The following ADGRL3 variants were observed in gnomAD, a reference collection of about 807,000 sequenced individuals.
The protein encoded by ADGRL3 is calcium-independent alpha-latrotoxin receptor 3.
In ADGRL3, 62 loss-of-function variants were observed where a neutral mutation model predicts 153.5. The observed-to-expected ratio is 0.40, with a 90% CI of 0.33 to 0.50. The LOEUF (loss-of-function observed/expected upper bound fraction) is 0.50. ADGRL3 is among the 20% of genes least tolerant of loss of function. The pLI, the probability that ADGRL3 is intolerant of heterozygous loss-of-function variation, is 0.47. For synonymous variants in ADGRL3, 710 were observed against 672.5 expected, an observed-to-expected ratio of 1.06 and a Z score of -0.86; for missense variants, 1,641 against 1,859.4, an observed-to-expected ratio of 0.88 and a Z score of 2.16.
At chr4:61,233,501 G>A (rs1009271738) in intron 1 of ADGRL3, among the ~76,000 whole-genome samples, 2 of 152,120 alleles carry the variant, frequency 1.3e-5, no homozygotes, top group Non-Finnish European at 2.9e-5. Flanking sequence ...AGGCATAGAA[G>A]GCAGCTTGTT....
At chr4:61,764,471 A>T (rs4860433) in intron 8 of ADGRL3, among the ~76,000 whole-genome samples, 1 of 134,572 alleles carries the variant, frequency 7.4e-6, no homozygotes, top group African/African-American at 3.3e-5. Context: ...CTCAGTGGGG[A>T]TGCTTTTGGA....
Position 62,037,755 on chromosome 4 carries a change from C to G in ADGRL3, c.3616C>G (p.Leu1206Val), listed in dbSNP as rs753839529. 1 of 1,613,730 alleles carries G rather than the reference C, an allele frequency of 6.2e-7. No individual in the cohort carries two copies. Among genetic ancestry groups the G allele is most frequent in the East Asian group, 2.2e-5 (1 of 44,822 alleles). The change falls in exon 24 of 27, where the codon CTG (leucine) becomes GTG (valine). Residue 1206 changes from leucine to valine, a missense_variant. Around this residue, in one of 5 missense-constraint regions of ADGRL3, gnomAD observed 517 missense variants for 555.0 expected, o/e 0.93. Transcript: ENST00000683033. ...GGTACGAAAAGAGTATGGGAAATGC[C>G]TGCGAACACATTGCTGTAGTGGCAA... The part of the protein sequence containing the change: ...KKVRKEYGKC[L>V]RTHCCSGKST...
chr4:61,504,626 C>T (rs2098415253), intron 3 of ADGRL3, among the ~76,000 whole-genome samples: 1 of 151,978 alleles, frequency 6.6e-6, no homozygotes, highest in Admixed American at 6.6e-5. Context: ...ATTTTTGTAC[C>T]AACTAACCAT....
chr4:61,496,641 T>TC (rs2098321144), intron 2 of ADGRL3, among the ~76,000 whole-genome samples: 1 of 141,720 alleles, frequency 7.1e-6, no homozygotes, highest in African/African-American at 2.7e-5. Flanking sequence ...AAATTCCATT[T>TC]CAAAAAAAAG....
intron 4 of ADGRL3, among the ~76,000 whole-genome samples, chr4:61,570,000 A>T (rs1041113843): frequency 2.6e-5 from 4 of 151,938 alleles, no homozygotes; most frequent in Non-Finnish European, 1.5e-5. Context: ...GAATATTTGG[A>T]TTGTTTTGAT....
intron 9 of ADGRL3, among the ~76,000 whole-genome samples, chr4:61,832,041 G>C (rs1168931738): frequency 6.6e-6 from 1 of 152,098 alleles, no homozygotes; most frequent in Non-Finnish European, 1.5e-5. Context: ...TGGCAGTGTA[G>C]AGGCCAAGGG....
chr4:61,480,643 CG>C (rs1356803295), intron 2 of ADGRL3, among the ~76,000 whole-genome samples: 7 of 151,712 alleles, frequency 4.6e-5, no homozygotes, highest in African/African-American at 1.7e-4. Context: ...ATTAGCTGGG[CG>C]GGGTTTCGGG....
chr4:61,436,600 G>A (rs1330426602), intron 2 of ADGRL3, among the ~76,000 whole-genome samples: 2 of 152,110 alleles, frequency 1.3e-5, no homozygotes, highest in Non-Finnish European at 2.9e-5. Context: ...AGTTCATAGA[G>A]GAAAGAAGTA....
Position 61,213,787 on chromosome 4 carries a change from T to C in ADGRL3, c.-240+12022T>C, listed in dbSNP as rs561290351. On this transcript the variant is annotated intron_variant, in intron 1 of 26. Transcript: ENST00000683033. ...AACATTTACTTATTCATGTGGGTTG[T>C]CATTTGTTGCTAGAATAAGTGGTGT... Among the ~76,000 whole-genome samples, 21 of 152,310 alleles carry C rather than the reference T, an allele frequency of 1.4e-4. No homozygotes were observed. The East Asian group carries it at 3.7e-3, about 27-fold the overall frequency.
chr4:61,876,151 A>G (rs1462737119), intron 9 of ADGRL3, among the ~76,000 whole-genome samples: 2 of 152,138 alleles, frequency 1.3e-5, no homozygotes, highest in South Asian at 2.1e-4. Flanking sequence ...CACTGCTTGC[A>G]TATCTCATAT....
chr4:61,494,182 G>A (rs2098287658), intron 2 of ADGRL3, among the ~76,000 whole-genome samples: 1 of 150,718 alleles, frequency 6.6e-6, no homozygotes, highest in African/African-American at 2.4e-5. Context: ...TAGTATACAT[G>A]TTTGAGAAAA....
intron 1 of ADGRL3, among the ~76,000 whole-genome samples, chr4:61,222,667 C>G (rs907367104): frequency 5.3e-5 from 8 of 152,240 alleles, no homozygotes; most frequent in African/African-American, 1.4e-4. Flanking sequence ...AGTACAGGAA[C>G]CAGCTTGGTA....
chr4:61,583,232 G>A (rs1350064181), intron 4 of ADGRL3, among the ~76,000 whole-genome samples: 1 of 151,886 alleles, frequency 6.6e-6, no homozygotes, highest in Non-Finnish European at 1.5e-5. Flanking sequence ...CCAGTCCATG[G>A]AGACCAAGAG....
chr4:61,801,676 C>G (rs2097499276), intron 8 of ADGRL3, among the ~76,000 whole-genome samples: 1 of 151,954 alleles, frequency 6.6e-6, no homozygotes, highest in South Asian at 2.1e-4. Flanking sequence ...TCCTTCTATA[C>G]CAAAAGAGGA....
intron 8 of ADGRL3, among the ~76,000 whole-genome samples, chr4:61,770,923 C>G (rs1417544928): frequency 6.6e-6 from 1 of 152,134 alleles, no homozygotes; most frequent in Non-Finnish European, 1.5e-5. Flanking sequence ...TCCTCCTTAG[C>G]TCAACTAGAT....
intron 6 of ADGRL3, among the ~76,000 whole-genome samples, chr4:61,711,955 T>G (rs1294076699): frequency 6.6e-6 from 1 of 152,144 alleles, no homozygotes; most frequent in Non-Finnish European, 1.5e-5. Context: ...GTAAGTCAGT[T>G]AGAGTACCAA....
chr4:61,570,281 T>C (rs1339574575), intron 4 of ADGRL3, among the ~76,000 whole-genome samples: 1 of 152,150 alleles, frequency 6.6e-6, no homozygotes, highest in Non-Finnish European at 1.5e-5. Flanking sequence ...TAGCATCCTG[T>C]CCCTTGTGTC....
chr4:61,888,007 TAAAC>T (rs542491303), intron 9 of ADGRL3, among the ~76,000 whole-genome samples: 289 of 152,254 alleles, frequency 1.9e-3, no homozygotes, highest in Non-Finnish European at 3.6e-3. Context: ...GGAAAAAAAT[TAAAC>T]AAATCAAATT....
At position 61,635,586 on chromosome 4, in the gene ADGRL3, G is replaced by T. The variant is rs191082579; in HGVS notation, c.474-41240G>T. On this transcript the variant is annotated intron_variant, in intron 5 of 26. Coordinates refer to ENST00000683033, the MANE Select transcript of ADGRL3 (RefSeq NM_001387552.1). ...ACTCTTAAGTCCTGCTACAGAGAGGGTTCTGATTTTGACCTCAAAATTTAA... is the reference window on the plus strand; with the variant it reads ...ACTCTTAAGTCCTGCTACAGAGAGGTTTCTGATTTTGACCTCAAAATTTAA... Among the ~76,000 whole-genome samples the T allele has an allele frequency of 3.7e-3, 512 of 140,234 alleles. 3 individuals are homozygous for T. The highest frequency in any genetic ancestry group is 6.0e-3 in the Non-Finnish European group (369 of 61,006). The allele number at this position is 140,234 out of a possible 152,430, so 92.0% of individuals were successfully genotyped here. A position where few individuals can be genotyped will look rare whatever the true frequency, so the allele number is the denominator to read the frequency against.
Sources: gnomAD v4.1 joint callset for allele counts (sites outside exome capture counted in the v4.1 genomes callset) on GRCh38, gnomAD v4.1.1 for gene constraint, gnomAD v4.1.1 regional missense constraint, MANE v1.5 for transcripts, NCBI Gene and HGNC (gene_info 2026-07-23, HGNC 2026-07-21) for gene names.